PMEL: variants seen among roughly 807,000 people sequenced by gnomAD.
The protein encoded by PMEL is premelanosome protein, also known as melanocyte protein PMEL.
Under a neutral mutation model 64.9 loss-of-function variants are expected in PMEL, and 53 were observed. The observed-to-expected ratio is 0.82, with a 90% CI of 0.66 to 1.03. The LOEUF is 1.03. PMEL is among the 50% of genes least tolerant of loss of function. PMEL has a pLI of 0.00. For missense variants in PMEL, 716 were observed against 814.9 expected (o/e 0.88, Z 1.48); for synonymous variants, 299 against 316.2 (o/e 0.95, Z 0.58).
In PMEL at chr12:55,955,777, A is replaced by G. The variant is rs575444135; in HGVS notation, c.1556+2T>C. On this transcript the variant is annotated splice_donor_variant, in intron 8 of 10. Coordinates refer to ENST00000548747, the MANE Select transcript of PMEL (RefSeq NM_001384361.1). LOFTEE classifies it high-confidence loss of function. ...TTACCAGCACACTAGTGAGACACTCACCCGCCTTGGCAGGACACAGTCAGC... is the reference window on the plus strand; with the variant it reads ...TTACCAGCACACTAGTGAGACACTCGCCCGCCTTGGCAGGACACAGTCAGC... 178 of 1,613,280 alleles carry G rather than the reference A, an allele frequency of 1.1e-4. No individual in the cohort carries two copies. The highest frequency in any genetic ancestry group is 1.4e-4 in the Non-Finnish European group (168 of 1,179,298).
rs1291594957 is a variant in PMEL at position 55,957,628 on chromosome 12, C to T, written c.675G>A (p.Leu225=). ...TCAGGAAGTGCTTGTTCCCTCCATC[C>T]AAGGCCCGCAACTGGGACACGCTCA... ...FSVSVSQLRA[L]DGGNKHFLRN... The change falls in exon 6 of 11, where the codon TTG becomes TTA. Residue 225 remains leucine, a synonymous_variant. Coordinates refer to ENST00000548747, the MANE Select transcript of PMEL (RefSeq NM_001384361.1). 3.7e-6 allele frequency: 6 copies of T among 1,613,028 alleles called. No individual in the cohort carries two copies. The highest frequency in any genetic ancestry group is 5.1e-6 in the Non-Finnish European group (6 of 1,179,738).
intron 4 of PMEL, 150 bp downstream of exon 4, chr12:55,958,323 G>T: frequency 2.3e-6 from 2 of 851,514 alleles, no homozygotes; most frequent in Non-Finnish European, 3.6e-6. Flanking sequence ...AAGGGGGCTA[G>T]GTGCTAAGAA....
chr12:55,959,720 G>A (rs1167037582), intron 3 of PMEL, among the ~76,000 whole-genome samples: 3 of 151,800 alleles, frequency 2.0e-5, no homozygotes, highest in Non-Finnish European at 2.9e-5. Flanking sequence ...CAGGAGAATC[G>A]CTGGAACCTG....
chr12:55,963,855 C>G (rs1889190431), intron 1 of PMEL, among the ~76,000 whole-genome samples: 1 of 151,982 alleles, frequency 6.6e-6, no homozygotes, highest in African/African-American at 2.4e-5. Flanking sequence ...TTTTCCCTTT[C>G]CTGCAGAAAC....
chr12:55,961,244 T>G, intron 3 of PMEL, 73 bp downstream of exon 3: 1 of 1,347,980 alleles, frequency 7.4e-7, no homozygotes, highest in Non-Finnish European at 1.1e-6. Flanking sequence ...GGAAGGGGCA[T>G]TCCCTGAGCT....
Position 55,955,602 on chromosome 12 carries a change from G to A in PMEL, c.1624C>T (p.Gln542Ter). The change falls in exon 9 of 11, where the codon CAG becomes TAG. Residue 542 changes from glutamine (Q) to a stop codon, truncating the protein, a stop_gained. Coordinates refer to ENST00000548747, the MANE Select transcript of PMEL (RefSeq NM_001384361.1). LOFTEE classifies it high-confidence loss of function. ...CAGGCTGGGCTGGGTAGCACAGGCT[G>A]GCACAGCCGCTGGGCAGGGGGCTGG... ...GCQPPAQRLC[Q>*]PVLPSPACQL... The A allele has an allele frequency of 6.2e-7, 1 of 1,613,962 alleles. No individual in the cohort carries two copies. The highest frequency in any genetic ancestry group is 8.5e-7 in the Non-Finnish European group (1 of 1,180,026).
rs757094284 is a variant in PMEL at position 55,960,221 on chromosome 12, AAAAAG to A, written c.334+1091_334+1095del. Among the ~76,000 whole-genome samples, 988 of 149,162 alleles carry A rather than the reference AAAAAG, an allele frequency of 6.6e-3. 6 individuals carry two copies. Among genetic ancestry groups the A allele is most frequent in the East Asian group, 0.014 (72 of 5,136 alleles). On this transcript the variant is annotated intron_variant, in intron 3 of 10. Coordinates refer to ENST00000548747, the MANE Select transcript of PMEL (RefSeq NM_001384361.1). ...GCCAGACTCTGTCTCAAAAAAAAAA[AAAAAG>A]AAAAGAAAAGAAAAGAAAAGAAAAA...
In PMEL at chr12:55,954,264, A is replaced by G; in HGVS notation, c.1936T>C (p.Ser646Pro). The G allele has an allele frequency of 1.2e-6, 2 of 1,613,972 alleles. No homozygotes were observed. The highest frequency in any genetic ancestry group is 1.7e-6 in the Non-Finnish European group (2 of 1,179,884). Reference sequence around the variant, plus strand: ...GGGCTGTTCTCACCAATGGGACAAGAGCAGAAGATGCGGGGTAGACGCAGC... The same window carrying G: ...GGGCTGTTCTCACCAATGGGACAAGGGCAGAAGATGCGGGGTAGACGCAGC... ...HWLRLPRIFC[S>P]CPIGENSPLL... Residue 646 changes from serine (S) to proline (P), a missense_variant, in exon 11 of 11, where the codon TCT becomes CCT. Coordinates refer to ENST00000548747, the MANE Select transcript of PMEL (RefSeq NM_001384361.1).
chr12:55,956,873 T>C, intron 6 of PMEL, 76 bp downstream of exon 6: 1 of 1,492,982 alleles, frequency 6.7e-7, no homozygotes, highest in Non-Finnish European at 9.1e-7. Context: ...GGGTAACATC[T>C]GAGTCCTGGG....
chr12:55,960,488 G>C (rs10876863), intron 3 of PMEL, among the ~76,000 whole-genome samples: 99,529 of 149,002 alleles, frequency 0.67, 34,774 homozygotes, highest in African/African-American at 0.9. Flanking sequence ...ACCTGAGACT[G>C]CTAAGTAGCA....
intron 3 of PMEL, among the ~76,000 whole-genome samples, chr12:55,958,973 T>C (rs532379088): frequency 6.7e-6 from 1 of 149,262 alleles, no homozygotes; most frequent in South Asian, 2.2e-4. Flanking sequence ...AGAGACAGGG[T>C]CTTGCTATAT....
At chr12:55,960,621 C>T (rs1411469228) in intron 3 of PMEL, among the ~76,000 whole-genome samples, 1 of 141,930 alleles carries the variant, frequency 7.0e-6, no homozygotes, top group African/African-American at 2.7e-5. Context: ...CGGTTCACTG[C>T]AAGCTCCACC....
At chr12:55,963,945 T>G (rs1889194031) in intron 1 of PMEL, among the ~76,000 whole-genome samples, 1 of 151,260 alleles carries the variant, frequency 6.6e-6, no homozygotes, top group South Asian at 2.1e-4. Flanking sequence ...CTCACCCCAT[T>G]TTTCCCTTTC....
rs746000820 is a variant in PMEL, at chr12:55,961,662, A to T, written c.147T>A (p.Tyr49Ter). Reference protein sequence around the residue: ...LRTKAWNRQLYPEWTEAQRLD... With the variant: ...LRTKAWNRQL Reference sequence around the variant, plus strand: ...GTCTCTGGGCTTCTGTCCACTCTGGATACAGCTGCCTGTTCCAGGCTTTGG... The same window carrying T: ...GTCTCTGGGCTTCTGTCCACTCTGGTTACAGCTGCCTGTTCCAGGCTTTGG... The change falls in exon 2 of 11, where the codon TAT becomes TAA. Residue 49 changes from tyrosine to a stop codon, truncating the protein, a stop_gained. Coordinates refer to ENST00000548747, the MANE Select transcript of PMEL (RefSeq NM_001384361.1). LOFTEE classifies it high-confidence loss of function. 1.7e-5 allele frequency: 27 copies of T among 1,613,806 alleles called. No homozygotes were observed. Among genetic ancestry groups the T allele is most frequent in the Non-Finnish European group, 2.1e-5 (25 of 1,179,974 alleles).
intron 3 of PMEL, among the ~76,000 whole-genome samples, chr12:55,960,072 T>TCAGCTACTCGGGAGGCTACTCC (rs1397311546): frequency 6.0e-5 from 9 of 150,926 alleles, no homozygotes; most frequent in Non-Finnish European, 1.3e-4. Flanking sequence ...TGCGCCTGTA[T>TCAGCTACTCGGGAGGCTACTCC]CAGCTACTCG....
At chr12:55,961,823 A>C in intron 1 of PMEL, 91 bp from the exon 2 acceptor site, 2 of 753,772 alleles carry the variant, frequency 2.7e-6, no homozygotes, top group Admixed American at 2.6e-5. Flanking sequence ...TCATTCTCAC[A>C]TTCGAAGTGC....
rs1180762324 is a variant in PMEL, at chr12:55,961,306, G to A, written c.334+11C>T. The A allele has an allele frequency of 1.9e-6, 3 of 1,613,452 alleles. No homozygotes were observed. The African/African-American group carries it at 4.0e-5, about 22-fold the overall frequency. ...CCTAGGAATAAGGACCTAGAATAGA[G>A]AAGTACTCACCATTGATGATGGTAT... On this transcript the variant is annotated intron_variant, in intron 3 of 10. Coordinates refer to ENST00000548747, the MANE Select transcript of PMEL (RefSeq NM_001384361.1).
chr12:55,966,706 C>G, upstream of PMEL: 8 of 1,117,864 alleles, frequency 7.2e-6, no homozygotes, highest in Non-Finnish European at 8.8e-6. Context: ...CGGGGAGGAG[C>G]GCTGGGCTCG....
In PMEL at chr12:55,958,052, A is replaced by G. The variant is rs536230725; in HGVS notation, c.502T>C (p.Ser168Pro). 1 of 1,614,188 alleles carries G rather than the reference A, an allele frequency of 6.2e-7. No individual in the cohort carries two copies. Among genetic ancestry groups the G allele is most frequent in the South Asian group, 1.1e-5 (1 of 91,084 alleles). ...CTGCCTGTCCCAATGCTCAGCCCAG[A>G]CACTGGGCCCCCTAGAACTTGCCAG... Reference protein sequence around the residue: ...QYWQVLGGPVSGLSIGTGRAM... With the variant: ...QYWQVLGGPVPGLSIGTGRAM... The change falls in exon 5 of 11, where the codon TCT becomes CCT. Residue 168 changes from serine to proline, a missense_variant. Ser to Pro is a moderately conservative substitution (Grantham distance 74). Transcript: ENST00000548747.
Sources: allele counts gnomAD v4.1 joint callset (sites outside exome capture counted in the v4.1 genomes callset), GRCh38; gene constraint gnomAD v4.1.1; transcripts MANE v1.5; gene names NCBI Gene and HGNC (gene_info 2026-07-23, HGNC 2026-07-21).